The following DOCK1 variants were observed in gnomAD, a reference collection of about 807,000 sequenced individuals.
The protein encoded by DOCK1 is dedicator of cytokinesis protein 1.
Under a neutral mutation model 262.7 loss-of-function variants are expected in DOCK1, and 138 were observed. That is an observed-to-expected ratio of 0.53 (90% confidence interval 0.46 to 0.61). DOCK1 has a LOEUF of 0.61. DOCK1 is among the 20% of genes least tolerant of loss of function. The pLI, the probability that DOCK1 is intolerant of heterozygous loss-of-function variation, is 0.00. For synonymous variants in DOCK1, 866 were observed against 867.4 expected (o/e 1.00, Z 0.03); for missense variants, 1,908 against 2,370.7 (o/e 0.80, Z 4.05).
chr10:127,073,686 C>T (rs949024414), intron 23 of DOCK1, among the ~76,000 whole-genome samples: 1 of 152,178 alleles, frequency 6.6e-6, no homozygotes, highest in South Asian at 2.1e-4. Context: ...CAGACAGAAC[C>T]ATCGTTAACC....
At chr10:127,248,952 C>T (rs1427178438) in intron 28 of DOCK1, among the ~76,000 whole-genome samples, 2 of 152,074 alleles carry the variant, frequency 1.3e-5, no homozygotes, top group Admixed American at 6.6e-5. Flanking sequence ...GTTGCATGCT[C>T]CTTATGAGAA....
intron 1 of DOCK1, among the ~76,000 whole-genome samples, chr10:126,907,799 C>T (rs1340248229): frequency 6.6e-6 from 1 of 152,036 alleles, no homozygotes; most frequent in East Asian, 1.9e-4. Flanking sequence ...GCTTCACCAG[C>T]GCTCATGGTG....
intron 33 of DOCK1, among the ~76,000 whole-genome samples, chr10:127,373,236 C>T (rs559852359): frequency 1.6e-3 from 240 of 152,220 alleles, no homozygotes; most frequent in African/African-American, 5.5e-3. Context: ...CTTGAGGTGC[C>T]TGCTGGTCTG....
chr10:127,355,000 C>G (rs1235206329), intron 32 of DOCK1, among the ~76,000 whole-genome samples: 3 of 152,214 alleles, frequency 2.0e-5, no homozygotes, highest in African/African-American at 4.8e-5. Context: ...TCCTCCCTCC[C>G]TGGTGTTGCC....
chr10:127,166,355 G>T (rs563035488), intron 27 of DOCK1, among the ~76,000 whole-genome samples: 1 of 151,944 alleles, frequency 6.6e-6, no homozygotes, highest in South Asian at 2.1e-4. Context: ...GTGAGCCACC[G>T]CGCCCGGCCC....
At chr10:127,406,955 T>G (rs11017909) in intron 40 of DOCK1, among the ~76,000 whole-genome samples, 2,679 of 152,244 alleles carry the variant, frequency 0.018, 31 homozygotes, top group Non-Finnish European at 0.029. Flanking sequence ...CGTGGCTTTA[T>G]ATAGAAGCCT....
intron 30 of DOCK1, among the ~76,000 whole-genome samples, chr10:127,339,412 G>A (rs1402113111): frequency 6.6e-5 from 10 of 152,150 alleles, no homozygotes; most frequent in Admixed American, 6.5e-4. Flanking sequence ...CCATCTTACT[G>A]TGGAGGGAGG....
chr10:127,213,901 G>A lies in DOCK1; in HGVS notation c.2848-34107G>A, dbSNP rs11596152. Among the ~76,000 whole-genome samples, 614 of 152,178 alleles carry A rather than the reference G, an allele frequency of 4.0e-3. 3 individuals are homozygous for A. Among genetic ancestry groups the A allele is most frequent in the Non-Finnish European group, 6.5e-3 (443 of 67,996 alleles). On this transcript the variant is annotated intron_variant, in intron 27 of 51. Transcript: ENST00000623213. ...GTCGCCCAGGCTGGAGTGCAGTGGC[G>A]CCATCTCAGCTCACTGCAAGCTCCG...
intron 29 of DOCK1, among the ~76,000 whole-genome samples, chr10:127,260,899 C>CTGTG (rs1554933801): frequency 1.1e-5 from 1 of 92,068 alleles, no homozygotes. Flanking sequence ...CCGTGCTCAT[C>CTGTG]TGTGTACCTG....
Position 127,198,740 on chromosome 10 carries a change from G to A in DOCK1, c.2848-49268G>A, listed in dbSNP as rs546452719. Among the ~76,000 whole-genome samples the A allele has an allele frequency of 7.7e-3, 490 of 63,288 alleles. 3 individuals carry two copies. The highest frequency in any genetic ancestry group is 0.018 in the African/African-American group (466 of 25,596). The allele number at this position is 63,288 out of a possible 152,430, so 41.5% of individuals were successfully genotyped here. ...TAAGTCTATTAAAATCATTGGCATC[G>A]CTTCTTTTTTTTTTTTTTGAAGTAG... On this transcript the variant is annotated intron_variant, in intron 27 of 51. Coordinates refer to ENST00000623213, the MANE Select transcript of DOCK1 (RefSeq NM_001290223.2).
intron 22 of DOCK1, among the ~76,000 whole-genome samples, chr10:127,059,315 A>G (rs1176481279): frequency 1.3e-5 from 2 of 152,036 alleles, no homozygotes; most frequent in African/African-American, 4.8e-5. Flanking sequence ...CCTGCATTGA[A>G]TTTCTGAATT....
chr10:126,972,542 G>A (rs1295589141), intron 2 of DOCK1, among the ~76,000 whole-genome samples: 2 of 152,072 alleles, frequency 1.3e-5, no homozygotes, highest in African/African-American at 4.8e-5. Context: ...TTTCACAGAG[G>A]TTTTTTAGCA....
intron 27 of DOCK1, among the ~76,000 whole-genome samples, chr10:127,168,769 A>G (rs1284575566): frequency 6.6e-6 from 1 of 152,212 alleles, no homozygotes; most frequent in Non-Finnish European, 1.5e-5. Context: ...AAGCCAGGAA[A>G]TCAGACTCTA....
chr10:127,340,761 T>C (rs2063392992), intron 30 of DOCK1, among the ~76,000 whole-genome samples: 2 of 152,214 alleles, frequency 1.3e-5, no homozygotes, highest in South Asian at 4.1e-4. Flanking sequence ...TGATTGATTT[T>C]TGTTTTTATT....
At chr10:127,260,100 G>A (rs1246506930) in intron 29 of DOCK1, among the ~76,000 whole-genome samples, 7 of 152,192 alleles carry the variant, frequency 4.6e-5, no homozygotes, top group Non-Finnish European at 7.3e-5. Flanking sequence ...CAAACCAGTG[G>A]CAACCTTCCC....
intron 27 of DOCK1, among the ~76,000 whole-genome samples, chr10:127,171,821 A>G (rs1051483052): frequency 6.6e-6 from 1 of 152,160 alleles, no homozygotes; most frequent in Non-Finnish European, 1.5e-5. Flanking sequence ...CTCCTGCCTC[A>G]GCCTCTGGAG....
At chr10:126,997,661 T>C (rs2040307486) in intron 7 of DOCK1, among the ~76,000 whole-genome samples, 1 of 152,166 alleles carries the variant, frequency 6.6e-6, no homozygotes, top group Non-Finnish European at 1.5e-5. Context: ...ACACAGTAGA[T>C]ACTCAGAAAT....
rs2038115450 is a variant in DOCK1, at chr10:126,971,627, A to C, written c.130+842A>C. ...GAGACAGGATTTCACCATGTTGCCC[A>C]GGCTGGTCCTGAACTCCTGAGCTCA... On this transcript the variant is annotated intron_variant, in intron 2 of 51. Coordinates refer to ENST00000623213, the MANE Select transcript of DOCK1 (RefSeq NM_001290223.2). Among the ~76,000 whole-genome samples the C allele has an allele frequency of 2.0e-5, 3 of 152,216 alleles. No individual in the cohort carries two copies. In the South Asian group the frequency reaches 6.2e-4, roughly 32 times the overall value.
intron 44 of DOCK1, 66 bp from the exon 45 acceptor site, chr10:127,418,299 T>C: frequency 6.8e-7 from 1 of 1,474,910 alleles, no homozygotes; most frequent in East Asian, 2.4e-5. Context: ...ACGTGGCTCC[T>C]CTGGTGAGAC....
Sources: allele counts gnomAD v4.1 joint callset (sites outside exome capture counted in the v4.1 genomes callset), GRCh38; gene constraint gnomAD v4.1.1; transcripts MANE v1.5; gene names NCBI Gene and HGNC (gene_info 2026-07-23, HGNC 2026-07-21).